ZNF503: variants seen among roughly 807,000 people sequenced by gnomAD.
ZNF503 encodes NocA-like zinc finger 2.
Under a neutral mutation model 34.4 loss-of-function variants are expected in ZNF503, and 15 were observed. The ratio of observed to expected loss-of-function variants is 0.44; its 90% CI spans 0.29 to 0.67. The LOEUF (loss-of-function observed/expected upper bound fraction) is 0.67. Ranked by LOEUF, ZNF503 falls within the 30% of genes least tolerant of loss-of-function variation. ZNF503 has a pLI of 0.13. For missense variants in ZNF503, 1,007 were observed against 926.8 expected (o/e 1.09, Z -1.12); for synonymous variants, 580 against 456.8 (o/e 1.27, Z -3.44).
the ZNF503 span, among the ~76,000 whole-genome samples, chr10:75,383,889 A>C: frequency 6.6e-6 from 1 of 152,362 alleles, no homozygotes; most frequent in Admixed American, 6.5e-5. Flanking sequence ...TCTATTGGTC[A>C]ATCAGCATGC....
the ZNF503 span, among the ~76,000 whole-genome samples, chr10:75,300,146 G>T: frequency 1.3e-5 from 2 of 152,166 alleles, no homozygotes; most frequent in Non-Finnish European, 2.9e-5. Flanking sequence ...ACCCTCAGGG[G>T]CACATTCTCT....
downstream of ZNF503, among the ~76,000 whole-genome samples, chr10:75,397,070 G>A (rs762692309): frequency 1.3e-5 from 2 of 152,192 alleles, no homozygotes; most frequent in Non-Finnish European, 2.9e-5. Context: ...CACTTGGAGG[G>A]GCTTTCCGGG....
chr10:75,371,936 T>C, the ZNF503 span, among the ~76,000 whole-genome samples: 1 of 152,320 alleles, frequency 6.6e-6, no homozygotes, highest in Admixed American at 6.5e-5. Flanking sequence ...TTTTTGTTAT[T>C]GTTTTGTTTT....
chr10:75,330,928 A>G, the ZNF503 span, among the ~76,000 whole-genome samples: 1 of 151,868 alleles, frequency 6.6e-6, no homozygotes. Context: ...CTTGAGATGC[A>G]TTGTTAGGTT....
the ZNF503 span, among the ~76,000 whole-genome samples, chr10:75,282,073 T>C: frequency 4.6e-5 from 7 of 152,206 alleles, no homozygotes; most frequent in African/African-American, 1.7e-4. Context: ...CTGTTAACAA[T>C]GTGACTTGTG....
the ZNF503 span, among the ~76,000 whole-genome samples, chr10:75,392,576 G>T: frequency 6.6e-6 from 1 of 152,156 alleles, no homozygotes; most frequent in Non-Finnish European, 1.5e-5. Flanking sequence ...TTGGAGGATG[G>T]GCTGGGGGGC....
Position 75,400,107 on chromosome 10 carries a change from C to T in ZNF503, c.583G>A (p.Gly195Ser), listed in dbSNP as rs1203063558. The T allele has an allele frequency of 1.3e-6, 2 of 1,547,116 alleles. No individual in the cohort carries two copies. Among genetic ancestry groups the T allele is most frequent in the African/African-American group, 1.4e-5 (1 of 73,024 alleles). Residue 195 changes from glycine (G) to serine (S), a missense_variant, in exon 2 of 2, where the codon GGT becomes AGT. Coordinates refer to ENST00000372524, the MANE Select transcript of ZNF503 (RefSeq NM_032772.6). ...CCGCCGCCGCCCCCGCCACCGCCAC[C>T]GCCTCCACCGCCGCCTCCCGGCTCC... ...KKEPGGGGGG[G>S]GGGGGGGGGV...
chr10:75,342,015 A>G, the ZNF503 span, among the ~76,000 whole-genome samples: 1 of 152,210 alleles, frequency 6.6e-6, no homozygotes, highest in African/African-American at 2.4e-5. Flanking sequence ...GTGCCTCTTA[A>G]TCAGCTAGAA....
the ZNF503 span, among the ~76,000 whole-genome samples, chr10:75,354,042 T>G: frequency 6.6e-6 from 1 of 152,208 alleles, no homozygotes; most frequent in African/African-American, 2.4e-5. Flanking sequence ...TGAGCTGTCT[T>G]CAGGAGTCTG....
At position 75,398,810 on chromosome 10, in the gene ZNF503, T is replaced by C; in HGVS notation, c.1880A>G (p.Tyr627Cys). ...VPVPAATGPY[Y>C]SPYALYGQRL... is the part of the protein sequence containing the mutation. The stretch of plus-strand genomic sequence containing the variant: ...CTGTCCGTAGAGGGCGTAGGGGGAG[T>C]AGTACGGTCCGGTGGCGGCGGGCAC... Residue 627 changes from tyrosine (Y) to cysteine (C), a missense_variant, in exon 2 of 2, where the codon TAC (tyrosine) becomes TGC (cysteine). By Grantham distance (194) the Tyr-to-Cys change is radical. Coordinates refer to ENST00000372524, the MANE Select transcript of ZNF503 (RefSeq NM_032772.6). 1.3e-6 allele frequency: 2 copies of C among 1,486,418 alleles called. No individual in the cohort carries two copies. The highest frequency in any genetic ancestry group is 1.4e-5 in the African/African-American group (1 of 70,204). The allele number at this position is 1,486,418 out of a possible 1,614,324, so 92.1% of individuals were successfully genotyped here.
the ZNF503 span, among the ~76,000 whole-genome samples, chr10:75,367,031 T>C: frequency 6.6e-6 from 1 of 152,238 alleles, no homozygotes; most frequent in Non-Finnish European, 1.5e-5. Flanking sequence ...AGAGGTTAGC[T>C]GGCTGCACCA....
chr10:75,294,695 G>A, the ZNF503 span, among the ~76,000 whole-genome samples: 5 of 151,040 alleles, frequency 3.3e-5, no homozygotes, highest in African/African-American at 1.2e-4. Context: ...GACACTGAGC[G>A]GAGCGGGGAA....
Position 75,398,785 on chromosome 10 carries a change from C to A in ZNF503, c.1905G>T (p.Gln635His), listed in dbSNP as rs1484928302. ...CCAGCGCCGAGGCGGTGGTCAGTCTCTGTCCGTAGAGGGCGTAGGGGGAGT... is the reference window on the plus strand; with the variant it reads ...CCAGCGCCGAGGCGGTGGTCAGTCTATGTCCGTAGAGGGCGTAGGGGGAGT... ...PYYSPYALYG[Q>H]RLTTASALGY... The change falls in exon 2 of 2, where the codon CAG (glutamine) becomes CAT (histidine). Residue 635 changes from glutamine to histidine, a missense_variant. Physicochemically the swap from Gln to His is conservative, Grantham distance 24 (BLOSUM62 0). Transcript: ENST00000372524. 3 of 1,456,450 alleles carry A rather than the reference C, an allele frequency of 2.1e-6. No individual in the cohort carries two copies. Among genetic ancestry groups the A allele is most frequent in the Middle Eastern group, 1.9e-4 (1 of 5,194 alleles). The allele number at this position is 1,456,450 out of a possible 1,614,324, so 90.2% of individuals were successfully genotyped here. A position where few individuals can be genotyped will look rare whatever the true frequency, so the allele number is the denominator to read the frequency against.
At chr10:75,300,704 CTTT>C in the ZNF503 span, among the ~76,000 whole-genome samples, 4 of 108,732 alleles carry the variant, frequency 3.7e-5, no homozygotes, top group Non-Finnish European at 7.1e-5. Context: ...TTCTTTCTTT[CTTT>C]TTTTTTTTTT....
At chr10:75,301,856 A>G in the ZNF503 span, among the ~76,000 whole-genome samples, 1 of 152,178 alleles carries the variant, frequency 6.6e-6, no homozygotes, top group Admixed American at 6.5e-5. Context: ...TGTTATAATT[A>G]TTTTTTATTG....
the ZNF503 span, among the ~76,000 whole-genome samples, chr10:75,302,574 C>T: frequency 6.6e-6 from 1 of 152,192 alleles, no homozygotes; most frequent in Non-Finnish European, 1.5e-5. Flanking sequence ...TACCTTTGGT[C>T]CTCTTTGGTG....
chr10:75,289,820 C>A, the ZNF503 span, among the ~76,000 whole-genome samples: 1 of 152,138 alleles, frequency 6.6e-6, no homozygotes, highest in Non-Finnish European at 1.5e-5. Context: ...CCCGCCTTGG[C>A]CTCCCGAAGT....
chr10:75,334,443 G>T, the ZNF503 span, among the ~76,000 whole-genome samples: 22 of 152,194 alleles, frequency 1.4e-4, no homozygotes, highest in South Asian at 4.6e-3. Context: ...ACTTGGTCTT[G>T]TCCCCTGGTA....
At chr10:75,325,862 CT>C in the ZNF503 span, among the ~76,000 whole-genome samples, 5,189 of 145,908 alleles carry the variant, frequency 0.036, 277 homozygotes, top group African/African-American at 0.12. Flanking sequence ...AATGGTATTG[CT>C]TTTTTTTTTT....
Sources: allele counts gnomAD v4.1 joint callset (sites outside exome capture counted in the v4.1 genomes callset), GRCh38; gene constraint gnomAD v4.1.1; transcripts MANE v1.5; gene names NCBI Gene and HGNC (gene_info 2026-07-23, HGNC 2026-07-21).